The following SEZ6L variants were observed in gnomAD, a reference collection of about 807,000 sequenced individuals.
SEZ6L encodes seizure related 6 homolog like, also known as seizure 6-like protein.
Under a neutral mutation model 106.2 loss-of-function variants are expected in SEZ6L, and 37 were observed. That is an observed-to-expected ratio of 0.35 (90% CI 0.27 to 0.46). SEZ6L has a LOEUF of 0.46. Ranked by LOEUF, SEZ6L falls within the 20% of genes least tolerant of loss-of-function variation. SEZ6L has a pLI of 1.00. For synonymous variants in SEZ6L, 541 were observed against 570.4 expected, an observed-to-expected ratio of 0.95 and a Z score of 0.73; for missense variants, 1,172 against 1,332.8, an observed-to-expected ratio of 0.88 and a Z score of 1.88.
At chr22:26,283,710 T>C (rs1240529618) in intron 1 of SEZ6L, among the ~76,000 whole-genome samples, 1 of 152,068 alleles carries the variant, frequency 6.6e-6, no homozygotes. Context: ...CAATAAATAA[T>C]AGCAGTAAAA....
chr22:26,297,216 G>C (rs1338846999), intron 4 of SEZ6L, 136 bp downstream of exon 4: 2 of 576,272 alleles, frequency 3.5e-6, no homozygotes, highest in Non-Finnish European at 2.9e-6. Flanking sequence ...TCAGAATAAT[G>C]TTTTTAAAAG....
rs1010744540 is a variant in SEZ6L at position 26,351,153 on chromosome 22, G to A, written c.2509G>A (p.Gly837Ser). The stretch of plus-strand genomic sequence containing the variant: ...CACCATCCAATACACCTGCAACCCC[G>A]GTTTTGTGCTTGAAGGGAGTTCTCT... ...GTTIQYTCNP[G>S]FVLEGSSLLT... Residue 837 changes from glycine (G) to serine (S), a missense_variant, in exon 12 of 17, where the codon GGT becomes AGT. Physicochemically the swap from Gly to Ser is moderately conservative, Grantham distance 56. Around this residue, in one of 4 missense-constraint regions of SEZ6L, gnomAD observed 534 missense variants for 691.0 expected, o/e 0.77. Coordinates refer to ENST00000248933, the MANE Select transcript of SEZ6L (RefSeq NM_021115.5). The A allele has an allele frequency of 6.2e-7, 1 of 1,614,178 alleles. No individual in the cohort carries two copies. Among genetic ancestry groups the A allele is most frequent in the South Asian group, 1.1e-5 (1 of 91,080 alleles).
intron 10 of SEZ6L, among the ~76,000 whole-genome samples, chr22:26,345,708 G>T (rs1347949669): frequency 6.6e-6 from 1 of 152,182 alleles, no homozygotes; most frequent in Non-Finnish European, 1.5e-5. Flanking sequence ...TTCTCAGAAT[G>T]ACTTTCCTGC....
chr22:26,237,841 T>C (rs953073765), intron 1 of SEZ6L, among the ~76,000 whole-genome samples: 34 of 152,184 alleles, frequency 2.2e-4, no homozygotes, highest in Admixed American at 4.6e-4. Context: ...AGAGCACAAG[T>C]GTGCTATTTC....
intron 1 of SEZ6L, among the ~76,000 whole-genome samples, chr22:26,226,584 T>C (rs1028162973): frequency 7.9e-5 from 12 of 152,208 alleles, no homozygotes; most frequent in African/African-American, 2.9e-4. Flanking sequence ...TGTATGTGTG[T>C]GTGTGTGATT....
chr22:26,381,165 T>C lies in SEZ6L; in HGVS notation c.*870T>C, dbSNP rs1348138390. 1 of 152,080 alleles carries C rather than the reference T, an allele frequency of 6.6e-6. No individual in the cohort carries two copies. Among genetic ancestry groups the C allele is most frequent in the African/African-American group, 2.4e-5 (1 of 41,394 alleles). The allele number at this position is 152,080 out of a possible 1,614,324, so 9.4% of individuals were successfully genotyped here. On this transcript the variant is annotated 3_prime_UTR_variant, in exon 17 of 17. Transcript: ENST00000248933. ...TCAGCAAGCCACTCTCAAGCTGTGGTAATAAACACACAGGCTTGGGAGGCA... is the reference window on the plus strand; with the variant it reads ...TCAGCAAGCCACTCTCAAGCTGTGGCAATAAACACACAGGCTTGGGAGGCA...
intron 1 of SEZ6L, among the ~76,000 whole-genome samples, chr22:26,281,260 TA>T (rs1478444256): frequency 1.3e-5 from 2 of 152,210 alleles, no homozygotes; most frequent in African/African-American, 4.8e-5. Context: ...TGCAGCCACG[TA>T]ATGCACTGCG....
intron 1 of SEZ6L, among the ~76,000 whole-genome samples, chr22:26,201,637 G>A (rs1344229538): frequency 6.6e-6 from 1 of 151,998 alleles, no homozygotes; most frequent in African/African-American, 2.4e-5. Flanking sequence ...AAAAGCATAG[G>A]CTTTAGCAAT....
chr22:26,204,574 A>C (rs1941182782), intron 1 of SEZ6L, among the ~76,000 whole-genome samples: 1 of 152,274 alleles, frequency 6.6e-6, no homozygotes, highest in South Asian at 2.1e-4. Flanking sequence ...TTCTGATGCC[A>C]GAGCCTTTGT....
intron 1 of SEZ6L, among the ~76,000 whole-genome samples, chr22:26,289,710 T>C (rs974762314): frequency 6.6e-6 from 1 of 152,132 alleles, no homozygotes; most frequent in Admixed American, 6.5e-5. Context: ...ACTGTTGCAG[T>C]CTATATAGAT....
chr22:26,240,940 C>T (rs929870234), intron 1 of SEZ6L, among the ~76,000 whole-genome samples: 1 of 152,140 alleles, frequency 6.6e-6, no homozygotes, highest in Non-Finnish European at 1.5e-5. Context: ...TCATATCCAC[C>T]AACCCCCAGC....
intron 1 of SEZ6L, among the ~76,000 whole-genome samples, chr22:26,250,487 T>C (rs2079536528): frequency 6.6e-6 from 1 of 152,218 alleles, no homozygotes; most frequent in Non-Finnish European, 1.5e-5. Flanking sequence ...CATGGATTCA[T>C]TTCTGGGTTT....
At position 26,287,438 on chromosome 22, in the gene SEZ6L, G is replaced by A. The variant is rs568161025; in HGVS notation, c.95-4968G>A. 5.3e-5 allele frequency among the ~76,000 whole-genome samples: 8 copies of A among 152,238 alleles called. No individual in the cohort carries two copies. In the South Asian group the frequency reaches 1.0e-3, roughly 20 times the overall value. On this transcript the variant is annotated intron_variant, in intron 1 of 16. Transcript: ENST00000248933. ...CTTTTGAGTAGAGCACCGACTGTAC[G>A]TGATAAAGGAAGAATCAGATAAATG...
intron 1 of SEZ6L, among the ~76,000 whole-genome samples, chr22:26,180,990 C>CA (rs571323017): frequency 6.6e-6 from 1 of 152,196 alleles, no homozygotes; most frequent in Non-Finnish European, 1.5e-5. Flanking sequence ...CCCACTCTGC[C>CA]AATTCTGTGT....
intron 6 of SEZ6L, among the ~76,000 whole-genome samples, chr22:26,308,245 A>T (rs2081699858): frequency 6.6e-6 from 1 of 152,038 alleles, no homozygotes; most frequent in Non-Finnish European, 1.5e-5. Flanking sequence ...TGGATAATGG[A>T]TCCAAAAATA....
intron 1 of SEZ6L, among the ~76,000 whole-genome samples, chr22:26,205,942 C>G (rs1054015705): frequency 1.3e-5 from 2 of 152,118 alleles, no homozygotes; most frequent in Non-Finnish European, 2.9e-5. Flanking sequence ...CCCAGTCCCT[C>G]CAGGTGTCCA....
chr22:26,214,584 G>A (rs1002954984), intron 1 of SEZ6L, among the ~76,000 whole-genome samples: 1 of 152,196 alleles, frequency 6.6e-6, no homozygotes, highest in African/African-American at 2.4e-5. Context: ...AATGCTGGTC[G>A]GATCTCCTGC....
intron 9 of SEZ6L, among the ~76,000 whole-genome samples, chr22:26,321,979 A>G (rs1435674898): frequency 6.6e-6 from 1 of 152,112 alleles, no homozygotes; most frequent in Non-Finnish European, 1.5e-5. Context: ...AAAACCTACT[A>G]TGTGCTAGGC....
In SEZ6L at chr22:26,204,555, A is replaced by G. The variant is rs556744711; in HGVS notation, c.94+34792A>G. On this transcript the variant is annotated intron_variant, in intron 1 of 16. Transcript: ENST00000248933. ...CACAGCTATAAGTGGTATAACTTAA[A>G]TCCAGGCATTCTGATGCCAGAGCCT... Among the ~76,000 whole-genome samples the G allele has an allele frequency of 6.6e-5, 10 of 152,372 alleles. No individual in the cohort carries two copies. In the South Asian group the frequency reaches 2.1e-3, roughly 32 times the overall value.
Sources: allele counts gnomAD v4.1 joint callset (sites outside exome capture counted in the v4.1 genomes callset), GRCh38; gene constraint gnomAD v4.1.1; regional missense constraint gnomAD v4.1.1; transcripts MANE v1.5; gene names NCBI Gene and HGNC (gene_info 2026-07-23, HGNC 2026-07-21).